CIT: variants seen among roughly 807,000 people sequenced by gnomAD.
CIT encodes citron Rho-interacting kinase.
Under a neutral mutation model 272.7 loss-of-function variants are expected in CIT, and 79 were observed. That is an observed-to-expected ratio of 0.29 (90% CI 0.24 to 0.35). The LOEUF (loss-of-function observed/expected upper bound fraction) is 0.35. Ranked by LOEUF, CIT falls within the 10% of genes least tolerant of loss-of-function variation. The pLI is 1.00. For synonymous variants in CIT, 948 were observed against 995.6 expected, an observed-to-expected ratio of 0.95 and a Z score of 0.90; for missense variants, 1,909 against 2,618.3, an observed-to-expected ratio of 0.73 and a Z score of 5.91.
At position 119,710,557 on chromosome 12, in the gene CIT, G is replaced by A. The variant is rs1339638618; in HGVS notation, c.4918C>T (p.Leu1640=). The A allele has an allele frequency of 1.2e-6, 2 of 1,614,242 alleles. No individual in the cohort carries two copies. The highest frequency in any genetic ancestry group is 4.5e-5 in the East Asian group (2 of 44,890). ...GDDRLDMNCT[L]PFSDQVVLVG... ...AGCATTACCTGGTCACTGAAGGGCA[G>A]CGTGCAGTTCATGTCTAGACGGTCA... is the stretch of plus-strand genomic sequence containing the variant. Residue 1640 remains leucine (L), a synonymous_variant, in exon 38 of 48, where the codon CTG becomes TTG. Transcript: ENST00000392521. This position sits in a 1 kb window ranked among gnomAD's most constrained non-coding sequence, Gnocchi z 5.6.
At chr12:119,788,780 C>T (rs184667820) in intron 10 of CIT, among the ~76,000 whole-genome samples, 3 of 152,292 alleles carry the variant, frequency 2.0e-5, no homozygotes, top group East Asian at 1.9e-4. Context: ...CCTCCTCACC[C>T]GAGGTCCAAC....
intron 41 of CIT, 139 bp from the exon 42 acceptor site, chr12:119,702,097 G>C (rs1253053571): frequency 6.2e-6 from 4 of 640,134 alleles, no homozygotes; most frequent in East Asian, 2.7e-5. Flanking sequence ...TTGTCATAGA[G>C]AGCCATTCAT....
chr12:119,796,635 A>G (rs561203498), intron 10 of CIT, among the ~76,000 whole-genome samples: 91 of 152,326 alleles, frequency 6.0e-4, no homozygotes, highest in Middle Eastern at 3.4e-3. Context: ...CATCCTGGTG[A>G]TGAGGAACAC....
At chr12:119,843,732 C>T (rs1255017424) in intron 5 of CIT, among the ~76,000 whole-genome samples, 2 of 152,018 alleles carry the variant, frequency 1.3e-5, no homozygotes, top group Non-Finnish European at 2.9e-5. Flanking sequence ...ATTGCTTGAA[C>T]CCGGGAGGCA....
At chr12:119,840,711 T>C (rs1969351551) in intron 5 of CIT, among the ~76,000 whole-genome samples, 1 of 152,158 alleles carries the variant, frequency 6.6e-6, no homozygotes, top group Non-Finnish European at 1.5e-5. Flanking sequence ...GGGCAGCTGG[T>C]TTCCAAACCC....
intron 41 of CIT, among the ~76,000 whole-genome samples, chr12:119,704,158 G>A (rs1407729515): frequency 2.0e-5 from 3 of 152,126 alleles, no homozygotes; most frequent in Non-Finnish European, 2.9e-5. Context: ...AAGCAGGAGG[G>A]AAACCGCAGC....
Position 119,718,323 on chromosome 12 carries a change from A to G in CIT, c.4090T>C (p.Ser1364Pro). The G allele has an allele frequency of 6.2e-7, 1 of 1,613,916 alleles. No individual in the cohort carries two copies. ...QQIAMSAIVRSPEHQPSAMSL... is the reference protein window; with the variant it reads ...QQIAMSAIVRPPEHQPSAMSL... ...ATGGCACTGGGCTGGTGCTCTGGCG[A>G]CCGCACGATGGCGGACATGGCGATC... The change falls in exon 32 of 48, where the codon TCG becomes CCG. Residue 1364 changes from serine (S) to proline (P), a missense_variant. Physicochemically the swap from Ser to Pro is moderately conservative, Grantham distance 74. Coordinates refer to ENST00000392521, the MANE Select transcript of CIT (RefSeq NM_001206999.2). This position sits in a 1 kb window ranked among gnomAD's most constrained non-coding sequence, Gnocchi z 4.8.
chr12:119,712,064 A>G lies in CIT; in HGVS notation c.4854+114T>C. On this transcript the variant is annotated intron_variant, in intron 37 of 47. Coordinates refer to ENST00000392521, the MANE Select transcript of CIT (RefSeq NM_001206999.2). This position sits in a 1 kb window ranked among gnomAD's most constrained non-coding sequence, Gnocchi z 5.2. The stretch of plus-strand genomic sequence containing the variant: ...ACACAGTCTAGAGCCATCAGCCCTC[A>G]GAGAGAGAGCCTGAGGGGAATCAAA... The G allele has an allele frequency of 9.5e-7, 1 of 1,048,808 alleles. No homozygotes were observed. The highest frequency in any genetic ancestry group is 2.4e-5 in the East Asian group (1 of 41,102). The allele number at this position is 1,048,808 out of a possible 1,614,324, so 65.0% of individuals were successfully genotyped here.
At chr12:119,711,723 G>A (rs566698738) in intron 37 of CIT, among the ~76,000 whole-genome samples, 6 of 152,218 alleles carry the variant, frequency 3.9e-5, no homozygotes, top group South Asian at 2.1e-4. Flanking sequence ...TGGCACAATC[G>A]TAGCTCACTG....
intron 3 of CIT, among the ~76,000 whole-genome samples, chr12:119,867,896 G>GC (rs1466179898): frequency 1.3e-5 from 2 of 152,066 alleles, no homozygotes; most frequent in Non-Finnish European, 2.9e-5. Context: ...GCCTTCCTCA[G>GC]CCCCTTCCTC....
At chr12:119,844,102 A>G (rs1240000224) in intron 5 of CIT, among the ~76,000 whole-genome samples, 1 of 149,990 alleles carries the variant, frequency 6.7e-6, no homozygotes, top group African/African-American at 2.5e-5. Flanking sequence ...GCTCACTGCA[A>G]CCTCCACCTC....
Position 119,720,538 on chromosome 12 carries a change from T to C in CIT, c.3780A>G (p.Gln1260=). ...EKVKMEGTIS[Q]QTKLIDFLQA... is the part of the protein sequence containing the mutation. ...GCAGAAAATCAATGAGTTTGGTTTG[T>C]TGAGAAATAGTGCCTTCCATTTTCA... The change falls in exon 30 of 48, where the codon CAA becomes CAG. Residue 1260 remains glutamine, a synonymous_variant. Coordinates refer to ENST00000392521, the MANE Select transcript of CIT (RefSeq NM_001206999.2). 1 of 1,610,456 alleles carries C rather than the reference T, an allele frequency of 6.2e-7. No homozygotes were observed. Among genetic ancestry groups the C allele is most frequent in the Non-Finnish European group, 8.5e-7 (1 of 1,179,146 alleles).
In CIT at chr12:119,699,524, C is replaced by G. The variant is rs374417157; in HGVS notation, c.5623+1221G>C. On this transcript the variant is annotated intron_variant, in intron 44 of 47. Transcript: ENST00000392521. ...CCCTGGCCTTGAATCTGGGCTGACT[C>G]TGCGGTCTGCTCTAACCAGTAGAGC... Among the ~76,000 whole-genome samples, 34 of 152,352 alleles carry G rather than the reference C, an allele frequency of 2.2e-4. No homozygotes were observed. In the East Asian group the frequency reaches 6.2e-3, roughly 28 times the overall value.
intron 22 of CIT, among the ~76,000 whole-genome samples, chr12:119,753,601 G>A (rs879296464): frequency 6.6e-6 from 1 of 152,032 alleles, no homozygotes; most frequent in Admixed American, 6.6e-5. Context: ...GCTGGGTGTG[G>A]TGGCACACAC....
chr12:119,785,524 C>T (rs1000667043), intron 10 of CIT, among the ~76,000 whole-genome samples: 12 of 152,012 alleles, frequency 7.9e-5, no homozygotes, highest in Non-Finnish European at 1.6e-4. Context: ...AGAGTGCAGC[C>T]TTGTCTACAC....
intron 3 of CIT, among the ~76,000 whole-genome samples, chr12:119,864,053 G>A (rs542629872): frequency 1.1e-4 from 16 of 151,574 alleles, no homozygotes; most frequent in Non-Finnish European, 1.6e-4. Flanking sequence ...ATCTATTATC[G>A]CAGCCCAAAC....
At chr12:119,733,526 T>G (rs1958586295) in intron 26 of CIT, among the ~76,000 whole-genome samples, 1 of 118,928 alleles carries the variant, frequency 8.4e-6, no homozygotes, top group Non-Finnish European at 1.7e-5. Context: ...AGAGACTCTG[T>G]CACAAAAAAA....
At chr12:119,699,859 G>C (rs989351868) in intron 44 of CIT, 1 of 455,916 alleles carries the variant, frequency 2.2e-6, no homozygotes, top group East Asian at 6.9e-5. Context: ...AGCCTCGAAG[G>C]GTATCTGGGC....
At chr12:119,811,682 T>C (rs1966848916) in intron 9 of CIT, among the ~76,000 whole-genome samples, 2 of 152,232 alleles carry the variant, frequency 1.3e-5, no homozygotes, top group Non-Finnish European at 2.9e-5. Flanking sequence ...TCAAGTTATG[T>C]TTCCCCAAAG....
Sources: gnomAD v4.1 joint callset for allele counts (sites outside exome capture counted in the v4.1 genomes callset) on GRCh38, gnomAD v4.1.1 for gene constraint, Gnocchi (gnomAD v3.1) non-coding constraint, MANE v1.5 for transcripts, NCBI Gene and HGNC (gene_info 2026-07-23, HGNC 2026-07-21) for gene names.